Variants in ABCA4 observed in about 807,000 individuals in gnomAD.
The protein encoded by ABCA4 is ATP binding cassette subfamily A member 4.
Under a neutral mutation model 263.7 loss-of-function variants are expected in ABCA4, and 196 were observed. The ratio of observed to expected loss-of-function variants is 0.74; its 90% CI spans 0.66 to 0.84. ABCA4 has a LOEUF of 0.84. ABCA4 is among the 40% of genes least tolerant of loss of function. The probability of loss-of-function intolerance (pLI) is 0.00; values close to 1 mark genes in which losing one functional copy is unlikely to be tolerated. For missense variants in ABCA4, 2,792 were observed against 2,855.1 expected (o/e 0.98, Z 0.50); for synonymous variants, 1,133 against 1,094.2 (o/e 1.04, Z -0.70).
At chr1:94,038,172 G>A (rs1224444385) in intron 24 of ABCA4, among the ~76,000 whole-genome samples, 2 of 152,190 alleles carry the variant, frequency 1.3e-5, no homozygotes, top group Non-Finnish European at 2.9e-5. Context: ...GGCTGGGGGA[G>A]AGGGTAGGAT....
At chr1:94,019,892 T>C in intron 35 of ABCA4, 133 bp from the exon 36 acceptor site, 2 of 928,706 alleles carry the variant, frequency 2.2e-6, no homozygotes, top group South Asian at 2.8e-5. Flanking sequence ...CTTCTCTACC[T>C]TGAAGCTGTC....
At chr1:94,005,626 A>T in intron 43 of ABCA4, 44 bp from the exon 44 acceptor site, 2 of 1,598,282 alleles carry the variant, frequency 1.3e-6, no homozygotes, top group Non-Finnish European at 1.7e-6. Flanking sequence ...CAAGGAGTGG[A>T]GGGATGACCA....
intron 36 of ABCA4, 149 bp from the exon 37 acceptor site, chr1:94,016,003 A>G (rs941779484): frequency 6.7e-6 from 5 of 745,522 alleles, no homozygotes; most frequent in Admixed American, 6.1e-5. Flanking sequence ...GTTGGCAAAC[A>G]TATGTTAAGC....
At chr1:94,062,465 TG>T in intron 13 of ABCA4, 111 bp downstream of exon 13, 2 of 1,363,736 alleles carry the variant, frequency 1.5e-6, no homozygotes, top group Non-Finnish European at 2.0e-6. Context: ...CTCTGGTCCC[TG>T]GGGCTCTCTC....
At chr1:94,109,200 T>A (rs1057482171) in intron 3 of ABCA4, among the ~76,000 whole-genome samples, 1 of 152,158 alleles carries the variant, frequency 6.6e-6, no homozygotes, top group African/African-American at 2.4e-5. Flanking sequence ...CTGACAAGGA[T>A]GGTGAGCGAT....
Position 94,108,726 on chromosome 1 carries a change from C to T in ABCA4, c.303-10G>A. The T allele has an allele frequency of 2.5e-6, 4 of 1,613,618 alleles. No homozygotes were observed. Among genetic ancestry groups the T allele is most frequent in the Non-Finnish European group, 3.4e-6 (4 of 1,179,896 alleles). ...ATATACCCTTGCCAAGCTGTAAGGA[C>T]AAAGCCTCATTAATAAGGAAATAGC... On this transcript the variant is annotated splice_polypyrimidine_tract_variant and intron_variant, in intron 3 of 49. Coordinates refer to ENST00000370225, the MANE Select transcript of ABCA4 (RefSeq NM_000350.3).
Position 94,031,048 on chromosome 1 carries a change from G to C in ABCA4, c.4201C>G (p.Pro1401Ala), listed in dbSNP as rs1305455299. ...SIVIPPFGEY[P>A]ALTLHPWIYG... ...ATCCAGGGGTGAAGGGTCAAAGCGG[G>C]GTATTCGCCAAAAGGAGGGATAACA... The change falls in exon 28 of 50, where the codon CCC (proline) becomes GCC (alanine). Residue 1401 changes from proline to alanine, a missense_variant. Pro to Ala is a conservative substitution (Grantham distance 27). Transcript: ENST00000370225. 3 of 1,614,062 alleles carry C rather than the reference G, an allele frequency of 1.9e-6. No homozygotes were observed. In the Admixed American group the frequency reaches 5.0e-5, roughly 27 times the overall value.
chr1:94,053,985 C>T (rs544695149), intron 16 of ABCA4, among the ~76,000 whole-genome samples: 1 of 152,380 alleles, frequency 6.6e-6, no homozygotes, highest in Admixed American at 6.5e-5. Context: ...CCCCTGCCTG[C>T]TTTTGGCTAC....
chr1:94,047,226 G>A (rs2101057745), intron 18 of ABCA4, 133 bp from the exon 19 acceptor site: 6 of 915,284 alleles, frequency 6.6e-6, no homozygotes, highest in Admixed American at 5.8e-5. Flanking sequence ...CCGTTGCAAG[G>A]AAGACTCCAG....
intron 1 of ABCA4, among the ~76,000 whole-genome samples, chr1:94,115,525 G>T (rs1662735468): frequency 1.3e-5 from 2 of 152,104 alleles, no homozygotes; most frequent in Non-Finnish European, 2.9e-5. Flanking sequence ...AGTTACTGGG[G>T]TTCCTATCCA....
At chr1:94,042,936 T>C in intron 21 of ABCA4, 38 bp from the exon 22 acceptor site, 1 of 1,613,942 alleles carries the variant, frequency 6.2e-7, no homozygotes, top group Non-Finnish European at 8.5e-7. Flanking sequence ...TAAGGGGCTG[T>C]GGAGGGTGAG....
chr1:94,019,800 G>C (rs1317213924), intron 35 of ABCA4, 41 bp from the exon 36 acceptor site: 5 of 1,587,034 alleles, frequency 3.2e-6, no homozygotes, highest in Non-Finnish European at 4.3e-6. Flanking sequence ...GCGATGAAGA[G>C]GGAAGAGCAG....
chr1:94,117,481 C>A (rs3789447), intron 1 of ABCA4, among the ~76,000 whole-genome samples: 4 of 148,304 alleles, frequency 2.7e-5, no homozygotes, highest in African/African-American at 9.9e-5. Context: ...CAGGCCCCCC[C>A]ACAGATATCC....
chr1:94,120,327 T>G (rs1319323796), intron 1 of ABCA4, among the ~76,000 whole-genome samples: 1 of 152,154 alleles, frequency 6.6e-6, no homozygotes, highest in Non-Finnish European at 1.5e-5. Context: ...CCCAGGCTGG[T>G]GTCTGCTCAT....
rs764320529 is a variant in ABCA4 at position 94,010,855 on chromosome 1, C to A, written c.5659G>T (p.Val1887Leu). 1.9e-6 allele frequency: 3 copies of A among 1,614,110 alleles called. No individual in the cohort carries two copies. Among genetic ancestry groups the A allele is most frequent in the South Asian group, 1.1e-5 (1 of 91,088 alleles). Residue 1887 changes from valine to leucine, a missense_variant, in exon 40 of 50, where the codon GTG becomes TTG. By Grantham distance (32) the Val-to-Leu change is conservative. Coordinates refer to ENST00000370225, the MANE Select transcript of ABCA4 (RefSeq NM_000350.3). Reference sequence around the variant, plus strand: ...AGCAGGGTCAGGAGGAAGTACACCACCCCTTCCACCACCATGGCAAACAGG... The same window carrying A: ...AGCAGGGTCAGGAGGAAGTACACCAACCCTTCCACCACCATGGCAAACAGG... ...KNLFAMVVEG[V>L]VYFLLTLLVQ... is the part of the protein sequence containing the mutation.
At chr1:94,065,508 C>T (rs997931948) in intron 11 of ABCA4, among the ~76,000 whole-genome samples, 6 of 152,190 alleles carry the variant, frequency 3.9e-5, no homozygotes, top group East Asian at 3.9e-4. Context: ...GTCCCACCTG[C>T]GCCTCAGAGT....
chr1:94,019,640 T>G lies in ABCA4; in HGVS notation c.5138A>C (p.Gln1713Pro), dbSNP rs755826006. 6.2e-7 allele frequency: 1 copy of G among 1,612,326 alleles called. No individual in the cohort carries two copies. Among genetic ancestry groups the G allele is most frequent in the African/African-American group, 1.3e-5 (1 of 74,876 alleles). Residue 1713 changes from glutamine to proline, a missense_variant, in exon 36 of 50, where the codon CAG becomes CCG. Physicochemically the swap from Gln to Pro is moderately conservative, Grantham distance 76. Coordinates refer to ENST00000370225, the MANE Select transcript of ABCA4 (RefSeq NM_000350.3). ...GGTGGGGCTCACTCCACTGATAAAC[T>G]GGAGGTGCTTGGATTTGTTCACCCG... ...QERVNKSKHL[Q>P]FISGVSPTTY...
At chr1:94,101,158 A>C (rs1055103572) in intron 5 of ABCA4, among the ~76,000 whole-genome samples, 1 of 152,266 alleles carries the variant, frequency 6.6e-6, no homozygotes, top group African/African-American at 2.4e-5. Flanking sequence ...AGTACTAGAG[A>C]TCTAAATGTC....
At chr1:94,076,994 C>T (rs1267357049) in intron 11 of ABCA4, among the ~76,000 whole-genome samples, 1 of 152,208 alleles carries the variant, frequency 6.6e-6, no homozygotes, top group Non-Finnish European at 1.5e-5. Context: ...CTTATTTAAC[C>T]TCTTTAAGCC....
Sources: allele counts gnomAD v4.1 joint callset (sites outside exome capture counted in the v4.1 genomes callset), GRCh38; gene constraint gnomAD v4.1.1; transcripts MANE v1.5; gene names NCBI Gene and HGNC (gene_info 2026-07-23, HGNC 2026-07-21).